KCNC2: variants seen among roughly 807,000 people sequenced by gnomAD.
KCNC2 encodes the protein potassium voltage-gated channel subfamily C member 2, also known as voltage-gated potassium channel KCNC2.
A neutral mutation model predicts 44.5 loss-of-function variants in KCNC2; 21 were observed. That is an observed-to-expected ratio of 0.47 (90% CI 0.33 to 0.68). The LOEUF is 0.68. Ranked by LOEUF, KCNC2 falls within the 30% of genes least tolerant of loss-of-function variation. The pLI is 0.01. For missense variants in KCNC2, 589 were observed against 826.2 expected (o/e 0.71, Z 3.52); for synonymous variants, 391 against 339.1 (o/e 1.15, Z -1.68).
intron 2 of KCNC2, among the ~76,000 whole-genome samples, chr12:75,107,375 G>A (rs1886874158): frequency 6.6e-6 from 1 of 151,978 alleles, no homozygotes; most frequent in African/African-American, 2.4e-5. Context: ...GAAAGAGTAG[G>A]CATAATTGCT....
chr12:75,148,160 A>G (rs986646571), intron 2 of KCNC2, among the ~76,000 whole-genome samples: 4 of 152,222 alleles, frequency 2.6e-5, no homozygotes, highest in African/African-American at 7.2e-5. Context: ...AATATATGTA[A>G]TTATCATTTA....
At chr12:75,111,113 A>G (rs1356306630) in intron 2 of KCNC2, among the ~76,000 whole-genome samples, 2 of 152,140 alleles carry the variant, frequency 1.3e-5, no homozygotes, top group Non-Finnish European at 2.9e-5. Flanking sequence ...TTTTTCACAC[A>G]ATGCTGGTGG....
intron 2 of KCNC2, among the ~76,000 whole-genome samples, chr12:75,204,333 T>C (rs1487077429): frequency 6.6e-6 from 1 of 151,850 alleles, no homozygotes; most frequent in African/African-American, 2.4e-5. Context: ...AAATGCAGGG[T>C]TGCAAAATTC....
At chr12:75,055,787 C>T (rs983697444) in intron 2 of KCNC2, among the ~76,000 whole-genome samples, 4 of 151,904 alleles carry the variant, frequency 2.6e-5, no homozygotes, top group African/African-American at 9.7e-5. Context: ...CCAGGATCTC[C>T]ATGGAGGGTC....
chr12:75,139,785 TA>T (rs1223429315), intron 2 of KCNC2, among the ~76,000 whole-genome samples: 1 of 152,224 alleles, frequency 6.6e-6, no homozygotes, highest in Non-Finnish European at 1.5e-5. Context: ...CAACATTAAT[TA>T]TTAGACTTTG....
chr12:75,052,036 A>G (rs1881231815), intron 2 of KCNC2, among the ~76,000 whole-genome samples: 1 of 152,064 alleles, frequency 6.6e-6, no homozygotes, highest in African/African-American at 2.4e-5. Flanking sequence ...AAGCTGAAAG[A>G]GTTTTCTTAA....
At chr12:75,049,508 C>T (rs10785169) in intron 3 of KCNC2, among the ~76,000 whole-genome samples, 95,913 of 151,900 alleles carry the variant, frequency 0.63, 30,366 homozygotes, top group Non-Finnish European at 0.66. Flanking sequence ...GAGGTGACAT[C>T]ACTATTACTT....
chr12:75,090,222 T>C (rs927530121), intron 2 of KCNC2, among the ~76,000 whole-genome samples: 1 of 151,832 alleles, frequency 6.6e-6, no homozygotes, highest in Admixed American at 6.6e-5. Context: ...CCAAAGCTTC[T>C]GTTTTCTTGC....
At chr12:75,119,407 C>G (rs990987924) in intron 2 of KCNC2, among the ~76,000 whole-genome samples, 2 of 152,098 alleles carry the variant, frequency 1.3e-5, no homozygotes, top group South Asian at 4.1e-4. Context: ...TAGTTAAGTG[C>G]TTTCCCTTAC....
intron 2 of KCNC2, among the ~76,000 whole-genome samples, chr12:75,169,907 C>T (rs900351826): frequency 6.6e-6 from 1 of 151,584 alleles, no homozygotes; most frequent in Non-Finnish European, 1.5e-5. Flanking sequence ...GATTTTTAAA[C>T]CAAGGACCTG....
chr12:75,049,638 C>T (rs1880955072), intron 3 of KCNC2, among the ~76,000 whole-genome samples: 1 of 151,982 alleles, frequency 6.6e-6, no homozygotes, highest in African/African-American at 2.4e-5. Flanking sequence ...TGAGAGAGAG[C>T]AGAACCCAAC....
Position 75,207,792 on chromosome 12 carries a change from CGGCGGCGACAGTGGA to C in KCNC2, c.177_191del (p.Leu61_Pro65del), listed in dbSNP as rs1565704271. 1.9e-6 allele frequency: 3 copies of C among 1,593,500 alleles called. No individual in the cohort carries two copies. Among genetic ancestry groups the C allele is most frequent in the South Asian group, 1.1e-5 (1 of 89,580 alleles). ...CGGGGGACAGCGGGGGCGCTCTCGG[CGGCGGCGACAGTGGA>C]GGCGGCGACGGCTGCAGCTTGTCGC... On this transcript the variant is annotated inframe_deletion, in exon 2 of 5. Transcript: ENST00000549446. This position sits in a 1 kb window ranked among gnomAD's most constrained non-coding sequence, Gnocchi z 4.1.
intron 2 of KCNC2, among the ~76,000 whole-genome samples, chr12:75,124,575 T>C (rs1011683570): frequency 1.3e-4 from 20 of 152,288 alleles, no homozygotes; most frequent in African/African-American, 4.8e-4. Flanking sequence ...AAGATAAAGA[T>C]GTTTTATATA....
chr12:75,046,955 A>T (rs915198359), intron 4 of KCNC2, among the ~76,000 whole-genome samples: 2 of 152,032 alleles, frequency 1.3e-5, no homozygotes, highest in Non-Finnish European at 2.9e-5. Context: ...ATTTCAAAGA[A>T]AAAGAGATTC....
chr12:75,173,315 G>A (rs909570601), intron 2 of KCNC2, among the ~76,000 whole-genome samples: 5 of 151,778 alleles, frequency 3.3e-5, no homozygotes, highest in Non-Finnish European at 7.4e-5. Flanking sequence ...AGATATAGAA[G>A]AATCACATCA....
chr12:75,090,773 CATT>C (rs1461353219), intron 2 of KCNC2, among the ~76,000 whole-genome samples: 1 of 148,190 alleles, frequency 6.7e-6, no homozygotes, highest in Non-Finnish European at 1.5e-5. Flanking sequence ...TTAATATCAT[CATT>C]ATCATCATCC....
In KCNC2 at chr12:75,041,908, A is replaced by G; in HGVS notation, c.*1197T>C. On this transcript the variant is annotated 3_prime_UTR_variant, in exon 5 of 5. Coordinates refer to ENST00000549446, the MANE Select transcript of KCNC2 (RefSeq NM_139137.4). Reference sequence around the variant, plus strand: ...AATATTAAAATCATAAACATCTTACAGAGGCATTTCTGTGCTTCATGGAGA... The same window carrying G: ...AATATTAAAATCATAAACATCTTACGGAGGCATTTCTGTGCTTCATGGAGA... The G allele has an allele frequency of 1.0e-6, 1 of 994,548 alleles. No homozygotes were observed. The highest frequency in any genetic ancestry group is 1.2e-6 in the Non-Finnish European group (1 of 836,238). The allele number at this position is 994,548 out of a possible 1,614,324, so 61.6% of individuals were successfully genotyped here.
chr12:75,196,875 C>A (rs1593076861), intron 2 of KCNC2, among the ~76,000 whole-genome samples: 1 of 152,010 alleles, frequency 6.6e-6, no homozygotes, highest in Non-Finnish European at 1.5e-5. Flanking sequence ...GAGAAAACAC[C>A]TGTTAACATC....
intron 2 of KCNC2, among the ~76,000 whole-genome samples, chr12:75,102,377 G>A (rs1302349263): frequency 6.7e-6 from 1 of 149,384 alleles, no homozygotes; most frequent in Non-Finnish European, 1.5e-5. Flanking sequence ...ATAATCATTA[G>A]ATGCAAATGA....
Sources: gnomAD v4.1 joint callset for allele counts (sites outside exome capture counted in the v4.1 genomes callset) on GRCh38, gnomAD v4.1.1 for gene constraint, Gnocchi (gnomAD v3.1) non-coding constraint, MANE v1.5 for transcripts, NCBI Gene and HGNC (gene_info 2026-07-23, HGNC 2026-07-21) for gene names.